COA8: variants seen among roughly 807,000 people sequenced by gnomAD.
COA8 encodes UPF0671 protein C14orf153.
In COA8, 20 loss-of-function variants were observed where a neutral mutation model predicts 22.0. That is an observed-to-expected ratio of 0.91 (90% CI 0.64 to 1.32). COA8 has a LOEUF of 1.32. Among genes scored for constraint, COA8 ranks in the 40% most tolerant of loss-of-function variants. The pLI is 0.00. For synonymous variants in COA8, 105 were observed against 79.9 expected, an observed-to-expected ratio of 1.31 and a Z score of -1.68; for missense variants, 266 against 230.0, an observed-to-expected ratio of 1.16 and a Z score of -1.01.
intron 3 of COA8, among the ~76,000 whole-genome samples, chr14:103,579,007 G>C (rs1301402066): frequency 6.6e-6 from 1 of 152,184 alleles, no homozygotes; most frequent in African/African-American, 2.4e-5. Context: ...AGCCAGGTGG[G>C]GACAGTCTTG....
At chr14:103,584,493 A>C (rs1000403934) in intron 3 of COA8, among the ~76,000 whole-genome samples, 2 of 152,102 alleles carry the variant, frequency 1.3e-5, no homozygotes, top group African/African-American at 4.8e-5. Flanking sequence ...AGGTTTTAGG[A>C]GCTCTGTGCC....
At chr14:103,588,297 T>C (rs986008849) in intron 4 of COA8, 4 of 396,560 alleles carry the variant, frequency 1.0e-5, no homozygotes, top group Admixed American at 4.4e-5. Flanking sequence ...GGTAGATCAC[T>C]TGAGTCCAGG....
chr14:103,581,543 T>C lies in COA8; in HGVS notation c.386-5731T>C. On this transcript the variant is annotated intron_variant, in intron 3 of 4. Transcript: ENST00000409074. The surrounding 1 kb of genome is among the most constrained non-coding windows in gnomAD (Gnocchi z 4.1). The stretch of plus-strand genomic sequence containing the variant: ...TCAAAACTTATGACTTGTTCATTTC[T>C]GGAATTTTCCATTTAATATTTTCAG... 5.0e-6 allele frequency: 2 copies of C among 398,872 alleles called. No homozygotes were observed. The allele number at this position is 398,872 out of a possible 1,614,324, so 24.7% of individuals were successfully genotyped here.
intron 3 of COA8, among the ~76,000 whole-genome samples, chr14:103,582,234 T>C (rs61996717): frequency 0.28 from 42,791 of 152,102 alleles, 6,449 homozygotes; most frequent in Middle Eastern, 0.37. Context: ...CCCGCCACCC[T>C]GGATGTGGTT....
In COA8 at chr14:103,578,018, C is replaced by T. The variant is rs1301492637; in HGVS notation, c.385+3848C>T. On this transcript the variant is annotated intron_variant, in intron 3 of 4. Coordinates refer to ENST00000409074, the MANE Select transcript of COA8 (RefSeq NM_001370595.2). The stretch of plus-strand genomic sequence containing the variant: ...CAGCCTGGGCAGCAAGAGTGAAACT[C>T]CATCTCAAAAAAAAAAAAAAAAAAA... Among the ~76,000 whole-genome samples the T allele has an allele frequency of 1.2e-4, 15 of 129,940 alleles. No homozygotes were observed. The Admixed American group carries it at 1.2e-3, about 11-fold the overall frequency. The allele number at this position is 129,940 out of a possible 152,430, so 85.2% of individuals were successfully genotyped here. A position where few individuals can be genotyped will look rare whatever the true frequency, so the allele number is the denominator to read the frequency against.
At chr14:103,574,252 A>G in intron 3 of COA8, 82 bp downstream of exon 3, 1 of 1,586,868 alleles carries the variant, frequency 6.3e-7, no homozygotes, top group South Asian at 1.1e-5. Flanking sequence ...GGGCGGTGAG[A>G]GAGGTGGGGA....
chr14:103,571,337 CCAGCCTGAG>C (rs2076182718), intron 1 of COA8, among the ~76,000 whole-genome samples: 1 of 151,976 alleles, frequency 6.6e-6, no homozygotes, highest in Non-Finnish European at 1.5e-5. Flanking sequence ...CCACTGCCCT[CCAGCCTGAG>C]CGACAGAGTG....
chr14:103,563,441 T>G, intron 1 of COA8: 329 of 450,436 alleles, frequency 7.3e-4, no homozygotes, highest in East Asian at 1.8e-3. Context: ...TAAAGAGCTC[T>G]TGGCTTACCG....
chr14:103,572,824 C>T (rs945168329), intron 2 of COA8, among the ~76,000 whole-genome samples: 9 of 151,226 alleles, frequency 6.0e-5, no homozygotes, highest in South Asian at 2.1e-4. Flanking sequence ...CGCTCTGTCA[C>T]CAAGCTGGAG....
intron 3 of COA8, among the ~76,000 whole-genome samples, chr14:103,575,926 C>G (rs1297367518): frequency 1.3e-5 from 2 of 152,084 alleles, no homozygotes; most frequent in Non-Finnish European, 2.9e-5. Flanking sequence ...TGGTCTCAAA[C>G]TCCTGAGCTC....
intron 3 of COA8, among the ~76,000 whole-genome samples, chr14:103,577,938 C>T (rs1416256147): frequency 6.7e-6 from 1 of 149,280 alleles, no homozygotes; most frequent in African/African-American, 2.5e-5. Flanking sequence ...GCAGAAGAAT[C>T]GCTTGAACCC....
chr14:103,575,341 G>A (rs1243888498), intron 3 of COA8, among the ~76,000 whole-genome samples: 3 of 152,216 alleles, frequency 2.0e-5, no homozygotes, highest in Non-Finnish European at 2.9e-5. Flanking sequence ...TGATGGCTTT[G>A]CTGAGTATTG....
In COA8 at chr14:103,583,541, CAAAAAA is replaced by C. The variant is rs35726464; in HGVS notation, c.386-3713_386-3708del. 1.3e-4 allele frequency among the ~76,000 whole-genome samples: 7 copies of C among 53,086 alleles called. No individual in the cohort carries two copies. In the South Asian group the frequency reaches 4.8e-3, roughly 36 times the overall value. The allele number at this position is 53,086 out of a possible 152,430, so 34.8% of individuals were successfully genotyped here. ...TGGGCAACAGAGCAAGACTCGATCT[CAAAAAA>C]AAAAAAAAAAAAAAAAAAAGAGTCT... On this transcript the variant is annotated intron_variant, in intron 3 of 4. Coordinates refer to ENST00000409074, the MANE Select transcript of COA8 (RefSeq NM_001370595.2).
intron 1 of COA8, among the ~76,000 whole-genome samples, chr14:103,566,930 T>C (rs1039960583): frequency 6.6e-6 from 1 of 152,180 alleles, no homozygotes; most frequent in Non-Finnish European, 1.5e-5. Flanking sequence ...TTTTTGGACA[T>C]AGGGTCTTGC....
At chr14:103,582,415 C>T (rs572041968) in intron 3 of COA8, among the ~76,000 whole-genome samples, 1 of 152,206 alleles carries the variant, frequency 6.6e-6, no homozygotes, top group Non-Finnish European at 1.5e-5. Flanking sequence ...GGCCACCGCC[C>T]TGGGAGTGCC....
chr14:103,590,443 C>T lies in COA8; in HGVS notation c.*157C>T, dbSNP rs941808369. ...TTTGGGGGCAGGGTAGGTCCTGGGG[C>T]ACTGTGGGCCGCCTGCCTGCTGATG... On this transcript the variant is annotated 3_prime_UTR_variant, in exon 5 of 5. Coordinates refer to ENST00000409074, the MANE Select transcript of COA8 (RefSeq NM_001370595.2). 1.6e-6 allele frequency: 1 copy of T among 620,446 alleles called. No individual in the cohort carries two copies. Among genetic ancestry groups the T allele is most frequent in the Admixed American group, 3.1e-5 (1 of 32,546 alleles). The allele number at this position is 620,446 out of a possible 1,614,324, so 38.4% of individuals were successfully genotyped here.
At position 103,587,256 on chromosome 14, in the gene COA8, G is replaced by A. The variant is rs1481078559; in HGVS notation, c.386-18G>A. On this transcript the variant is annotated intron_variant, in intron 3 of 4. Transcript: ENST00000409074. ...TTTCTCCTTAAGTCTTAATGTTTAAGCTGAAATTACCTTTCAGGTCAGAAA... is the reference window on the plus strand; with the variant it reads ...TTTCTCCTTAAGTCTTAATGTTTAAACTGAAATTACCTTTCAGGTCAGAAA... 6.2e-7 allele frequency: 1 copy of A among 1,602,674 alleles called. No homozygotes were observed. Among genetic ancestry groups the A allele is most frequent in the African/African-American group, 1.3e-5 (1 of 74,420 alleles).
chr14:103,587,785 G>A (rs1441685138), intron 4 of COA8, among the ~76,000 whole-genome samples: 1 of 151,724 alleles, frequency 6.6e-6, no homozygotes, highest in Admixed American at 6.6e-5. Context: ...GGGATTACAG[G>A]CATGAGCCAC....
chr14:103,563,135 G>T lies in COA8; in HGVS notation c.123+11G>T. On this transcript the variant is annotated intron_variant, in intron 1 of 4. Transcript: ENST00000409074. ...ACGGCGCCCAGCGGGGTAAGCAGGGGCCTGGGGACATTGGGCCGGGAGGGG... is the reference window on the plus strand; with the variant it reads ...ACGGCGCCCAGCGGGGTAAGCAGGGTCCTGGGGACATTGGGCCGGGAGGGG... 1 of 1,541,378 alleles carries T rather than the reference G, an allele frequency of 6.5e-7. No homozygotes were observed. The highest frequency in any genetic ancestry group is 1.2e-5 in the South Asian group (1 of 84,370).
Sources: allele counts gnomAD v4.1 joint callset (sites outside exome capture counted in the v4.1 genomes callset), GRCh38; gene constraint gnomAD v4.1.1; non-coding constraint Gnocchi (gnomAD v3.1); transcripts MANE v1.5; gene names NCBI Gene and HGNC (gene_info 2026-07-23, HGNC 2026-07-21).